The following RNF138 variants were observed in gnomAD, a reference collection of about 807,000 sequenced individuals.
RNF138 encodes the protein ring finger protein 138.
Under a neutral mutation model 31.0 loss-of-function variants are expected in RNF138, and 12 were observed. That is an observed-to-expected ratio of 0.39 (90% confidence interval 0.25 to 0.63). The LOEUF is 0.63. RNF138 is among the 20% of genes least tolerant of loss of function. The pLI, the probability that RNF138 is intolerant of heterozygous loss-of-function variation, is 0.52. For synonymous variants in RNF138, 105 were observed against 99.5 expected (o/e 1.06, Z -0.33); for missense variants, 192 against 300.1 (o/e 0.64, Z 2.66).
intron 2 of RNF138, among the ~76,000 whole-genome samples, chr18:32,103,722 G>T (rs554353842): frequency 6.6e-6 from 1 of 152,254 alleles, no homozygotes; most frequent in East Asian, 1.9e-4. Flanking sequence ...CCAGCACTTT[G>T]GGAGGCCGAG....
chr18:32,121,221 TGTG>T (rs1032316864), intron 4 of RNF138, among the ~76,000 whole-genome samples: 39 of 150,564 alleles, frequency 2.6e-4, no homozygotes, highest in African/African-American at 7.3e-4. Context: ...CCTGGCCAGG[TGTG>T]GTGGCTCATG....
chr18:32,107,686 A>G (rs1479528493), intron 2 of RNF138, among the ~76,000 whole-genome samples: 6 of 147,866 alleles, frequency 4.1e-5, no homozygotes, highest in African/African-American at 1.3e-4. Flanking sequence ...ATGCCTGGCT[A>G]ATTTTTTGTA....
intron 2 of RNF138, among the ~76,000 whole-genome samples, chr18:32,094,060 G>A (rs2039760415): frequency 6.6e-6 from 1 of 152,078 alleles, no homozygotes; most frequent in African/African-American, 2.4e-5. Context: ...CAAAGTGCTG[G>A]GATTAAAGGC....
chr18:32,104,249 A>G (rs571890726), intron 2 of RNF138, among the ~76,000 whole-genome samples: 4 of 152,014 alleles, frequency 2.6e-5, no homozygotes, highest in African/African-American at 7.2e-5. Context: ...CTGAGGTCAA[A>G]TGATCCCCCC....
rs1302401589 is a variant in RNF138, at chr18:32,092,068, G to C, written c.-245G>C. 3 of 152,430 alleles carry C rather than the reference G, an allele frequency of 2.0e-5. No individual in the cohort carries two copies. Among genetic ancestry groups the C allele is most frequent in the South Asian group, 2.1e-4 (1 of 4,874 alleles). 9.4% of individuals were successfully genotyped at this position (152,430 alleles called of 1,614,324 possible). ...CACCATGAGCCTCGGCTCCGGCCCC[G>C]TTAGGGGCCGATAAGCACAGCGCAC... is the stretch of plus-strand genomic sequence containing the variant. On this transcript the variant is annotated 5_prime_UTR_variant, in exon 1 of 8. Transcript: ENST00000261593.
chr18:32,115,616 G>A (rs1339670953), intron 4 of RNF138, among the ~76,000 whole-genome samples: 4 of 152,064 alleles, frequency 2.6e-5, no homozygotes, highest in Non-Finnish European at 5.9e-5. Flanking sequence ...GTGGTGGCGC[G>A]TGCCTATAGT....
chr18:32,092,971 C>A (rs112201790), intron 2 of RNF138, 85 bp downstream of exon 2: 22 of 723,216 alleles, frequency 3.0e-5, no homozygotes, highest in Non-Finnish European at 4.5e-5. Flanking sequence ...TGCCGCCTGG[C>A]GGGAACCGAG....
At chr18:32,122,598 C>T (rs773551501) in intron 4 of RNF138, among the ~76,000 whole-genome samples, 4 of 151,936 alleles carry the variant, frequency 2.6e-5, no homozygotes, top group Non-Finnish European at 4.4e-5. Flanking sequence ...CTGAGGTGGG[C>T]GGATCACTTG....
chr18:32,096,408 T>A (rs1210478025), intron 2 of RNF138, among the ~76,000 whole-genome samples: 3 of 152,166 alleles, frequency 2.0e-5, no homozygotes, highest in Non-Finnish European at 2.9e-5. Flanking sequence ...TAAGATTTGA[T>A]GACTGGGTTC....
At position 32,129,423 on chromosome 18, in the gene RNF138, A is replaced by G; in HGVS notation, c.*236A>G. The G allele has an allele frequency of 2.5e-6, 1 of 400,622 alleles. No homozygotes were observed. The highest frequency in any genetic ancestry group is 7.0e-4 in the Middle Eastern group (1 of 1,428). 24.8% of individuals were successfully genotyped at this position (400,622 alleles called of 1,614,324 possible). On this transcript the variant is annotated 3_prime_UTR_variant, in exon 8 of 8. Coordinates refer to ENST00000261593, the MANE Select transcript of RNF138 (RefSeq NM_016271.5). ...GTAAAAAAGATGTTTCACTAATGTA[A>G]CGGTGAAAGAGAATCCCTGTTGTAC... is the stretch of plus-strand genomic sequence containing the variant.
At position 32,092,763 on chromosome 18, in the gene RNF138, C is replaced by A. The variant is rs769886830; in HGVS notation, c.-14C>A. Reference sequence around the variant, plus strand: ...TGCCGCTGTCGCCATCGCCTTGTTTCCCCATCCCCCGCCATGGCCGAGGAC... The same window carrying A: ...TGCCGCTGTCGCCATCGCCTTGTTTACCCATCCCCCGCCATGGCCGAGGAC... On this transcript the variant is annotated 5_prime_UTR_variant, in exon 2 of 8. Coordinates refer to ENST00000261593, the MANE Select transcript of RNF138 (RefSeq NM_016271.5). The A allele has an allele frequency of 2.6e-6, 4 of 1,530,256 alleles. No individual in the cohort carries two copies. In the Admixed American group the frequency reaches 7.5e-5, roughly 29 times the overall value. 94.8% of individuals were successfully genotyped at this position (1,530,256 alleles called of 1,614,324 possible). A position where few individuals can be genotyped will look rare whatever the true frequency, so the allele number is the denominator to read the frequency against.
intron 2 of RNF138, among the ~76,000 whole-genome samples, chr18:32,110,785 CTT>C (rs879590455): frequency 6.9e-6 from 1 of 144,848 alleles, no homozygotes. Context: ...AATGTTTAAT[CTT>C]TTTTTTTTTT....
chr18:32,126,276 T>A (rs1250484808), intron 6 of RNF138, among the ~76,000 whole-genome samples: 4 of 152,200 alleles, frequency 2.6e-5, no homozygotes, highest in Non-Finnish European at 5.9e-5. Context: ...TTAAAGTAAA[T>A]TTTCCAGTTT....
At chr18:32,126,868 T>C in intron 7 of RNF138, 68 bp downstream of exon 7, 1 of 977,870 alleles carries the variant, frequency 1.0e-6, no homozygotes, top group Non-Finnish European at 1.6e-6. Flanking sequence ...TTTTTTGTAA[T>C]CGACTTAAAT....
chr18:32,103,795 C>G (rs2039981488), intron 2 of RNF138, among the ~76,000 whole-genome samples: 1 of 151,702 alleles, frequency 6.6e-6, no homozygotes, highest in Admixed American at 6.6e-5. Context: ...AACCCCATCT[C>G]TACTAAAAAT....
At chr18:32,104,401 C>G (rs1358974884) in intron 2 of RNF138, among the ~76,000 whole-genome samples, 1 of 152,040 alleles carries the variant, frequency 6.6e-6, no homozygotes, top group Non-Finnish European at 1.5e-5. Context: ...AGGTGCTTTT[C>G]TAGTTAGGAA....
rs766687853 is a variant in RNF138, at chr18:32,130,067, T to C, written c.*880T>C. 6 of 152,450 alleles carry C rather than the reference T, an allele frequency of 3.9e-5. No individual in the cohort carries two copies. Among genetic ancestry groups the C allele is most frequent in the African/African-American group, 9.7e-5 (4 of 41,428 alleles). The allele number at this position is 152,450 out of a possible 1,614,324, so 9.4% of individuals were successfully genotyped here. On this transcript the variant is annotated 3_prime_UTR_variant, in exon 8 of 8. Transcript: ENST00000261593. ...CTCAGTTTAGAAATTTATTCAAAGC[T>C]AAAGATGTATATATACATATACTTT... is the stretch of plus-strand genomic sequence containing the variant.
intron 4 of RNF138, among the ~76,000 whole-genome samples, chr18:32,114,827 C>G (rs2040188784): frequency 6.6e-6 from 1 of 152,180 alleles, no homozygotes; most frequent in Non-Finnish European, 1.5e-5. Flanking sequence ...TTAAGCACTT[C>G]ATGTTGATCA....
intron 3 of RNF138, among the ~76,000 whole-genome samples, chr18:32,112,574 A>G (rs1233667942): frequency 6.6e-6 from 1 of 152,210 alleles, no homozygotes; most frequent in Non-Finnish European, 1.5e-5. Flanking sequence ...AATCCCAGCT[A>G]CTTGGGAGGC....
Sources: allele counts gnomAD v4.1 joint callset (sites outside exome capture counted in the v4.1 genomes callset), GRCh38; gene constraint gnomAD v4.1.1; transcripts MANE v1.5; gene names NCBI Gene and HGNC (gene_info 2026-07-23, HGNC 2026-07-21).